The following PGK1 variants were observed in gnomAD, a reference collection of about 807,000 sequenced individuals.
The protein encoded by PGK1 is PRP 2.
In PGK1, 3 loss-of-function variants were observed where a neutral mutation model predicts 26.9. The ratio of observed to expected loss-of-function variants is 0.11; its 90% confidence interval spans 0.05 to 0.29. The LOEUF (loss-of-function observed/expected upper bound fraction) is 0.29, where lower values mean the gene tolerates loss of function less well. PGK1 is among the 10% of genes least tolerant of loss of function. PGK1 has a pLI of 1.00. For missense variants in PGK1, 270 were observed against 314.7 expected (o/e 0.86, Z 1.07); for synonymous variants, 125 against 115.3 (o/e 1.08, Z -0.54).
chrX:78,114,979 T>C (rs781806975), intron 4 of PGK1, among the ~76,000 whole-genome samples: 1 of 112,235 alleles, frequency 8.9e-6, no homozygotes, highest in South Asian at 3.7e-4. Context: ...AACAAGATGC[T>C]CTGAGTCTAG....
chrX:78,106,402 G>A (rs2078272812), intron 1 of PGK1: 1 of 749,934 alleles, frequency 1.3e-6, no homozygotes, highest in African/African-American at 2.3e-5. Flanking sequence ...AGGACAGGAA[G>A]TTACATGGTT....
chrX:78,114,222 T>A (rs1557247238), intron 4 of PGK1, 62 bp downstream of exon 4: 1 of 1,069,071 alleles, frequency 9.4e-7, no homozygotes, highest in Non-Finnish European at 1.3e-6. Flanking sequence ...AGACTGTGGT[T>A]GAAGAATAGA....
chrX:78,106,976 A>G (rs1258588206), intron 1 of PGK1, among the ~76,000 whole-genome samples: 1 of 110,844 alleles, frequency 9.0e-6, no homozygotes, highest in African/African-American at 3.3e-5. Flanking sequence ...AGAAAAAGTC[A>G]CTAAGACACC....
Position 78,128,150 on chromosome X carries a change from G to C in PGK1, c.*2320G>C, listed in dbSNP as rs1294531290. 8.9e-6 allele frequency: 1 copy of C among 112,988 alleles called. No individual in the cohort carries two copies. Among genetic ancestry groups the C allele is most frequent in the East Asian group, 2.8e-4 (1 of 3,636 alleles). The allele number at this position is 112,988 out of a possible 1,213,427, so 9.3% of individuals were successfully genotyped here. A position where few individuals can be genotyped will look rare whatever the true frequency, so the allele number is the denominator to read the frequency against. On this transcript the variant is annotated 3_prime_UTR_variant, in exon 11 of 11. Coordinates refer to ENST00000373316, the MANE Select transcript of PGK1 (RefSeq NM_000291.4). ...GCAAATATTTGAGTTCCTTCTATGT[G>C]CTTAAAGACGTGATAGAGGGAATAT...
intron 6 of PGK1, among the ~76,000 whole-genome samples, chrX:78,120,409 T>G (rs2078348896): frequency 9.1e-6 from 1 of 110,383 alleles, no homozygotes; most frequent in South Asian, 3.8e-4. Flanking sequence ...GAAATAAATA[T>G]GTGTATATAT....
At chrX:78,108,620 T>C (rs1420582347) in intron 1 of PGK1, among the ~76,000 whole-genome samples, 2 of 111,982 alleles carry the variant, frequency 1.8e-5, no homozygotes, top group African/African-American at 3.3e-5. Flanking sequence ...TCAGTATGTC[T>C]GTAGGAGTTT....
At chrX:78,118,322 C>A in intron 6 of PGK1, 152 bp downstream of exon 6, 1 of 609,439 alleles carries the variant, frequency 1.6e-6, no homozygotes, top group Non-Finnish European at 2.7e-6. Context: ...TGGCTCACAC[C>A]TGTAATCCCA....
intron 6 of PGK1, among the ~76,000 whole-genome samples, chrX:78,119,015 G>A (rs189639939): frequency 1.2e-4 from 13 of 111,599 alleles, no homozygotes; most frequent in South Asian, 7.4e-4. Flanking sequence ...GCTCTGCAGG[G>A]AAGAATGGGA....
rs140968120 is a variant in PGK1, at chrX:78,125,584, C to T, written c.1213+159C>T. Reference sequence around the variant, plus strand: ...AACTTCAGATAAAGCTCCTGGCATCCACTGAGGCGGGGAGGGACAGATAGA... The same window carrying T: ...AACTTCAGATAAAGCTCCTGGCATCTACTGAGGCGGGGAGGGACAGATAGA... On this transcript the variant is annotated intron_variant, in intron 10 of 10. Coordinates refer to ENST00000373316, the MANE Select transcript of PGK1 (RefSeq NM_000291.4). Among the ~76,000 whole-genome samples, 45 of 111,521 alleles carry T rather than the reference C, an allele frequency of 4.0e-4. 2 individuals carry two copies. Among genetic ancestry groups the T allele is most frequent in the African/African-American group, 1.4e-3 (43 of 30,674 alleles).
At chrX:78,105,110 C>A (rs1557246058) in intron 1 of PGK1, among the ~76,000 whole-genome samples, 1 of 112,342 alleles carries the variant, frequency 8.9e-6, no homozygotes, top group Non-Finnish European at 1.9e-5. Flanking sequence ...TGCTGGCCTC[C>A]AATCTCATCC....
chrX:78,105,707 G>A (rs1557246129), intron 1 of PGK1, among the ~76,000 whole-genome samples: 1 of 111,467 alleles, frequency 9.0e-6, no homozygotes, highest in Non-Finnish European at 1.9e-5. Context: ...GCAGGTAACC[G>A]CTGCCCTGCT....
In PGK1 at chrX:78,128,597, A is replaced by C. The variant is rs1557248973; in HGVS notation, c.*2767A>C. 1 of 112,532 alleles carries C rather than the reference A, an allele frequency of 8.9e-6. No homozygotes were observed. The highest frequency in any genetic ancestry group is 1.9e-5 in the Non-Finnish European group (1 of 53,319). The allele number at this position is 112,532 out of a possible 1,213,427, so 9.3% of individuals were successfully genotyped here. Reference sequence around the variant, plus strand: ...AGGATGTGCTTTCTAATTTGGAATTATGAATTATTGGTAAAATATTGCAAA... The same window carrying C: ...AGGATGTGCTTTCTAATTTGGAATTCTGAATTATTGGTAAAATATTGCAAA... On this transcript the variant is annotated 3_prime_UTR_variant, in exon 11 of 11. Transcript: ENST00000373316.
intron 8 of PGK1, among the ~76,000 whole-genome samples, chrX:78,124,474 G>A (rs1244269655): frequency 1.8e-5 from 2 of 110,719 alleles, no homozygotes; most frequent in Middle Eastern, 4.6e-3. Flanking sequence ...GTGGGGGACT[G>A]TTGAATTGTA....
chrX:78,119,648 CGGT>C (rs1463955125), intron 6 of PGK1, among the ~76,000 whole-genome samples: 5 of 111,436 alleles, frequency 4.5e-5, no homozygotes, highest in Non-Finnish European at 9.4e-5. Flanking sequence ...ATCAAGGGGG[CGGT>C]TCACCCCATA....
At chrX:78,106,607 C>G (rs1416100712) in intron 1 of PGK1, 1 of 750,854 alleles carries the variant, frequency 1.3e-6, no homozygotes, top group Non-Finnish European at 1.6e-6. Flanking sequence ...CAGAAGTGAA[C>G]TATGGTATTT....
intron 1 of PGK1, among the ~76,000 whole-genome samples, chrX:78,107,820 T>G (rs782182801): frequency 5.8e-4 from 65 of 111,611 alleles, no homozygotes; most frequent in Non-Finnish European, 9.6e-4. Flanking sequence ...GGCTGCAGCA[T>G]TTCACATTTC....
Position 78,122,910 on chromosome X carries a change from A to C in PGK1, c.717A>C (p.Gly239=), listed in dbSNP as rs1423239660. 1 of 1,194,470 alleles carries C rather than the reference A, an allele frequency of 8.4e-7. No homozygotes were observed. The highest frequency in any genetic ancestry group is 1.8e-5 in the African/African-American group (1 of 56,932). ...TCAATGAGATGATTATTGGTGGTGG[A>C]ATGGCTTTTACCTTCCTTAAGGTGC... ...DKVNEMIIGG[G]MAFTFLKVLN... Residue 239 remains glycine, a synonymous_variant, in exon 7 of 11, where the codon GGA becomes GGC. Transcript: ENST00000373316.
chrX:78,105,657 C>G (rs1460344001), intron 1 of PGK1, among the ~76,000 whole-genome samples: 7 of 111,634 alleles, frequency 6.3e-5, no homozygotes, highest in African/African-American at 2.0e-4. Context: ...GGACATGTAG[C>G]TCTCCTCTTC....
At position 78,104,388 on chromosome X, in the gene PGK1, G is replaced by A. The variant is rs868935447; in HGVS notation, c.48G>A (p.Gly16=). 8.3e-7 allele frequency: 1 copy of A among 1,203,142 alleles called. No individual in the cohort carries two copies. Among genetic ancestry groups the A allele is most frequent in the East Asian group, 3.0e-5 (1 of 33,824 alleles). Residue 16 remains glycine, a synonymous_variant, in exon 1 of 11, where the codon GGG becomes GGA. Transcript: ENST00000373316. ...CGCTGGACAAGCTGGACGTTAAAGG[G>A]AAGCGGGTCGTTATGAGGTAATTCT... is the stretch of plus-strand genomic sequence containing the variant. ...KLTLDKLDVK[G]KRVVMRVDFN...
Sources: allele counts gnomAD v4.1 joint callset (sites outside exome capture counted in the v4.1 genomes callset), GRCh38; gene constraint gnomAD v4.1.1; transcripts MANE v1.5; gene names NCBI Gene and HGNC (gene_info 2026-07-23, HGNC 2026-07-21).